The following SH3GL2 variants were observed in gnomAD, a reference collection of about 807,000 sequenced individuals.
SH3GL2 encodes the protein endophilin-A1.
Under a neutral mutation model 46.0 loss-of-function variants are expected in SH3GL2, and 24 were observed. The observed-to-expected ratio is 0.52, with a 90% CI of 0.38 to 0.73. The LOEUF is 0.73. Ranked by LOEUF, SH3GL2 falls within the 30% of genes least tolerant of loss-of-function variation. The pLI, the probability that SH3GL2 is intolerant of heterozygous loss-of-function variation, is 0.00. For missense variants in SH3GL2, 413 were observed against 424.2 expected (o/e 0.97, Z 0.23); for synonymous variants, 196 against 147.1 (o/e 1.33, Z -2.40).
At chr9:17,739,999 A>T (rs914895966) in intron 1 of SH3GL2, among the ~76,000 whole-genome samples, 3 of 152,174 alleles carry the variant, frequency 2.0e-5, no homozygotes, top group African/African-American at 7.2e-5. Flanking sequence ...TAACTCACTC[A>T]AACTCATTTT....
intron 1 of SH3GL2, among the ~76,000 whole-genome samples, chr9:17,672,637 A>G (rs555911353): frequency 7.2e-5 from 11 of 152,012 alleles, no homozygotes; most frequent in Non-Finnish European, 1.5e-4. Context: ...GGAGCCACCC[A>G]CCCCCTTCAC....
chr9:17,623,080 C>CCCCTTCCCCTTT (rs1819194087), intron 1 of SH3GL2, among the ~76,000 whole-genome samples: 1 of 131,392 alleles, frequency 7.6e-6, no homozygotes, highest in African/African-American at 2.9e-5. Context: ...CCTTCCCCTT[C>CCCCTTCCCCTTT]CCCTTCCCCT....
intron 1 of SH3GL2, among the ~76,000 whole-genome samples, chr9:17,588,743 G>A (rs1818424620): frequency 6.6e-6 from 1 of 152,174 alleles, no homozygotes. Flanking sequence ...GCTCACTTAA[G>A]CAGGCCCAGA....
At chr9:17,583,521 C>G (rs1255440889) in intron 1 of SH3GL2, among the ~76,000 whole-genome samples, 1 of 152,206 alleles carries the variant, frequency 6.6e-6, no homozygotes, top group East Asian at 1.9e-4. Flanking sequence ...GTGCCTTCAT[C>G]TTGGACTGCT....
intron 1 of SH3GL2, among the ~76,000 whole-genome samples, chr9:17,723,715 G>C (rs1435341037): frequency 6.6e-6 from 1 of 151,962 alleles, no homozygotes; most frequent in Non-Finnish European, 1.5e-5. Flanking sequence ...GAGGATTTCT[G>C]CTACCTATGA....
chr9:17,706,825 T>C (rs1821484547), intron 1 of SH3GL2, among the ~76,000 whole-genome samples: 1 of 151,934 alleles, frequency 6.6e-6, no homozygotes, highest in Non-Finnish European at 1.5e-5. Flanking sequence ...CCTTAAAAAA[T>C]GGAATCCTCT....
intron 1 of SH3GL2, among the ~76,000 whole-genome samples, chr9:17,706,093 A>C (rs1159065864): frequency 1.3e-5 from 2 of 152,066 alleles, no homozygotes; most frequent in Non-Finnish European, 2.9e-5. Flanking sequence ...GATATATCTA[A>C]TGTAAGAGAT....
intron 1 of SH3GL2, among the ~76,000 whole-genome samples, chr9:17,717,313 G>A (rs1047678904): frequency 6.6e-6 from 1 of 152,070 alleles, no homozygotes; most frequent in Admixed American, 6.6e-5. Flanking sequence ...CTCATCATTC[G>A]AAACATCTTT....
intron 1 of SH3GL2, among the ~76,000 whole-genome samples, chr9:17,615,864 G>C (rs961773415): frequency 6.6e-6 from 1 of 151,990 alleles, no homozygotes; most frequent in Non-Finnish European, 1.5e-5. Context: ...ATTTTAATCA[G>C]CTGATTAATT....
intron 1 of SH3GL2, among the ~76,000 whole-genome samples, chr9:17,645,308 G>C (rs914742202): frequency 6.6e-6 from 1 of 151,716 alleles, no homozygotes; most frequent in African/African-American, 2.4e-5. Flanking sequence ...ACACCGATGG[G>C]TCTTGAATCT....
At chr9:17,759,773 T>C (rs1823114545) in intron 2 of SH3GL2, among the ~76,000 whole-genome samples, 1 of 152,212 alleles carries the variant, frequency 6.6e-6, no homozygotes, top group Non-Finnish European at 1.5e-5. Flanking sequence ...TTAATTCCTA[T>C]GGCACTCTTT....
At chr9:17,794,804 A>G (rs554959422) in intron 8 of SH3GL2, among the ~76,000 whole-genome samples, 1 of 152,276 alleles carries the variant, frequency 6.6e-6, no homozygotes, top group South Asian at 2.1e-4. Context: ...AGTGCACTGC[A>G]TATATTTATG....
chr9:17,612,046 G>C (rs955715177), intron 1 of SH3GL2, among the ~76,000 whole-genome samples: 1 of 152,208 alleles, frequency 6.6e-6, no homozygotes, highest in Non-Finnish European at 1.5e-5. Flanking sequence ...GAAATTCTCA[G>C]AGAGAGGAGG....
chr9:17,726,167 C>T (rs1204612261), intron 1 of SH3GL2, among the ~76,000 whole-genome samples: 2 of 152,034 alleles, frequency 1.3e-5, no homozygotes, highest in African/African-American at 4.8e-5. Flanking sequence ...GTGGTTGCAC[C>T]AAGAGAGGAT....
intron 1 of SH3GL2, among the ~76,000 whole-genome samples, chr9:17,718,861 C>T (rs1306618977): frequency 6.6e-6 from 1 of 152,094 alleles, no homozygotes; most frequent in African/African-American, 2.4e-5. Context: ...CTTTGAGGAA[C>T]ACTGGTGGAG....
chr9:17,791,042 T>C (rs897929843), intron 6 of SH3GL2, among the ~76,000 whole-genome samples, 189 bp from the exon 7 acceptor site: 1 of 152,190 alleles, frequency 6.6e-6, no homozygotes, highest in African/African-American at 2.4e-5. Flanking sequence ...ATAAGGATGC[T>C]TTCTTTTATC....
intron 3 of SH3GL2, among the ~76,000 whole-genome samples, chr9:17,783,604 A>G (rs1306699609): frequency 6.6e-6 from 1 of 152,006 alleles, no homozygotes; most frequent in Non-Finnish European, 1.5e-5. Flanking sequence ...AACTGCCCCC[A>G]TTTGTCTTCC....
intron 1 of SH3GL2, among the ~76,000 whole-genome samples, chr9:17,663,345 G>C (rs1284021720): frequency 2.6e-5 from 4 of 152,030 alleles, no homozygotes; most frequent in African/African-American, 9.7e-5. Context: ...CTTTTTTACT[G>C]TTTATTAATG....
At chr9:17,704,341 A>T (rs1356498175) in intron 1 of SH3GL2, among the ~76,000 whole-genome samples, 3 of 152,140 alleles carry the variant, frequency 2.0e-5, no homozygotes, top group Non-Finnish European at 4.4e-5. Context: ...GGAAGAATCA[A>T]TATTGTTAAA....
Sources: allele counts gnomAD v4.1 joint callset (sites outside exome capture counted in the v4.1 genomes callset), GRCh38; gene constraint gnomAD v4.1.1; transcripts MANE v1.5; gene names NCBI Gene and HGNC (gene_info 2026-07-23, HGNC 2026-07-21).